The following NID2 variants were observed in gnomAD, a reference collection of about 807,000 sequenced individuals.
The protein encoded by NID2 is nidogen-2.
Under a neutral mutation model 145.4 loss-of-function variants are expected in NID2, and 83 were observed. The ratio of observed to expected loss-of-function variants is 0.57; its 90% CI spans 0.48 to 0.69. The LOEUF (loss-of-function observed/expected upper bound fraction) is 0.69. Ranked by LOEUF, NID2 falls within the 30% of genes least tolerant of loss-of-function variation. NID2 has a pLI of 0.00. For missense variants in NID2, 1,807 were observed against 1,765.7 expected (o/e 1.02, Z -0.42); for synonymous variants, 739 against 701.3 (o/e 1.05, Z -0.85).
chr14:52,062,733 G>A (rs186504712), intron 2 of NID2, among the ~76,000 whole-genome samples: 1 of 152,144 alleles, frequency 6.6e-6, no homozygotes, highest in Non-Finnish European at 1.5e-5. Flanking sequence ...GATGGGGAAG[G>A]GGGGAAGAGA....
At chr14:52,056,156 T>A (rs1011397736) in intron 3 of NID2, among the ~76,000 whole-genome samples, 1 of 151,992 alleles carries the variant, frequency 6.6e-6, no homozygotes, top group African/African-American at 2.4e-5. Flanking sequence ...TCTGAGGATA[T>A]TGAGTTTATT....
chr14:52,011,487 G>A (rs533151957), intron 17 of NID2, 67 bp downstream of exon 17: 344 of 1,598,396 alleles, frequency 2.2e-4, no homozygotes, highest in African/African-American at 5.8e-4. Flanking sequence ...GGGAGACTTC[G>A]GCGTAAAGTA....
chr14:52,014,995 C>G, intron 15 of NID2, 59 bp downstream of exon 15: 1 of 1,412,418 alleles, frequency 7.1e-7, no homozygotes. Flanking sequence ...ACAGCAGGCA[C>G]CATCCCTAGC....
intron 2 of NID2, among the ~76,000 whole-genome samples, chr14:52,067,278 G>C (rs78330816): frequency 1.3e-5 from 2 of 152,116 alleles, no homozygotes; most frequent in African/African-American, 4.8e-5. Flanking sequence ...AAATGATGTA[G>C]AAATACATTT....
intron 14 of NID2, 22 bp downstream of exon 14, chr14:52,019,039 T>G: frequency 6.3e-7 from 1 of 1,593,510 alleles, no homozygotes. Context: ...TTCTGCTTCT[T>G]GAGCCCCAGG....
At chr14:52,041,093 G>C (rs958430338) in intron 7 of NID2, among the ~76,000 whole-genome samples, 1 of 152,090 alleles carries the variant, frequency 6.6e-6, no homozygotes, top group Non-Finnish European at 1.5e-5. Flanking sequence ...CTTGTATTCT[G>C]TGAGAAATAC....
At chr14:52,059,562 C>T (rs978410869) in intron 3 of NID2, among the ~76,000 whole-genome samples, 1 of 152,234 alleles carries the variant, frequency 6.6e-6, no homozygotes, top group African/African-American at 2.4e-5. Flanking sequence ...ATCATTCATT[C>T]ATTCACCCAT....
At chr14:52,030,565 AAAGGAAGGAAGG>A (rs1891795345) in intron 9 of NID2, among the ~76,000 whole-genome samples, 1 of 48,930 alleles carries the variant, frequency 2.0e-5, no homozygotes. Flanking sequence ...AGAAAGAAAG[AAAGGAAGGAAGG>A]GAAAGAAAGA....
rs188778050 is a variant in NID2 at position 52,005,043 on chromosome 14, A to T, written c.*443T>A. ...AACTATAAATAATTGGTCCTTTCCCATCAGTTCTGCATTGGCTTCTCCAAC... is the reference window on the plus strand; with the variant it reads ...AACTATAAATAATTGGTCCTTTCCCTTCAGTTCTGCATTGGCTTCTCCAAC... On this transcript the variant is annotated 3_prime_UTR_variant, in exon 22 of 22. Coordinates refer to ENST00000216286, the MANE Select transcript of NID2 (RefSeq NM_007361.4). 1 of 159,236 alleles carries T rather than the reference A, an allele frequency of 6.3e-6. No homozygotes were observed. Among genetic ancestry groups the T allele is most frequent in the African/African-American group, 2.4e-5 (1 of 41,774 alleles). 9.9% of individuals were successfully genotyped at this position (159,236 alleles called of 1,614,324 possible).
chr14:52,027,083 C>T, intron 12 of NID2, 118 bp downstream of exon 12: 2 of 1,093,322 alleles, frequency 1.8e-6, no homozygotes, highest in Non-Finnish European at 2.4e-6. Context: ...ATTTTGGCAG[C>T]CACAAGGCTG....
chr14:52,039,616 G>A (rs530704312), intron 8 of NID2, among the ~76,000 whole-genome samples: 81 of 152,286 alleles, frequency 5.3e-4, no homozygotes, highest in African/African-American at 1.9e-3. Context: ...CTCCTGCCAG[G>A]CTGCCAGCTC....
chr14:52,063,368 T>C (rs1893079745), intron 2 of NID2, among the ~76,000 whole-genome samples: 1 of 152,176 alleles, frequency 6.6e-6, no homozygotes, highest in Non-Finnish European at 1.5e-5. Context: ...GGTGAGTGGC[T>C]GCAGGCCCTG....
At chr14:52,064,730 T>C (rs1893130636) in intron 2 of NID2, among the ~76,000 whole-genome samples, 1 of 152,250 alleles carries the variant, frequency 6.6e-6, no homozygotes, top group Non-Finnish European at 1.5e-5. Context: ...CCTTTGCTAA[T>C]AGGTTGCTCT....
intron 3 of NID2, among the ~76,000 whole-genome samples, chr14:52,057,779 C>T (rs1193696826): frequency 6.8e-6 from 1 of 147,874 alleles, no homozygotes; most frequent in Non-Finnish European, 1.5e-5. Flanking sequence ...AAAATGTTTA[C>T]AATGTATAAA....
intron 14 of NID2, among the ~76,000 whole-genome samples, chr14:52,017,671 A>G (rs1012372304): frequency 2.0e-5 from 3 of 152,110 alleles, no homozygotes; most frequent in African/African-American, 7.2e-5. Flanking sequence ...GAACCAAGAC[A>G]TTTTCAAAGA....
At chr14:52,041,536 G>A (rs1892279057) in intron 7 of NID2, among the ~76,000 whole-genome samples, 1 of 152,188 alleles carries the variant, frequency 6.6e-6, no homozygotes. Context: ...GTCAACGGGT[G>A]GCCTTTCCAG....
At position 52,027,237 on chromosome 14, in the gene NID2, G is replaced by A. The variant is rs537108484; in HGVS notation, c.2638C>T (p.Leu880=). ...HGGSTFSCAC[L]PGYAGDGHQC... ...TGCCCATCGCCGGCATAACCAGGCA[G>A]GCAGGCACAGCTGAACGTGCTGCCT... is the stretch of plus-strand genomic sequence containing the variant. Residue 880 remains leucine, a synonymous_variant, in exon 12 of 22, where the codon CTG becomes TTG. Coordinates refer to ENST00000216286, the MANE Select transcript of NID2 (RefSeq NM_007361.4). 1.0e-5 allele frequency: 16 copies of A among 1,579,824 alleles called. No individual in the cohort carries two copies. In the South Asian group the frequency reaches 1.8e-4, roughly 18 times the overall value.
At chr14:52,017,670 C>T in intron 14 of NID2, among the ~76,000 whole-genome samples, 1 of 151,992 alleles carries the variant, frequency 6.6e-6, no homozygotes. Flanking sequence ...AGAACCAAGA[C>T]ATTTTCAAAG....
chr14:52,006,458 C>T, intron 20 of NID2, 79 bp downstream of exon 20: 3 of 1,559,860 alleles, frequency 1.9e-6, no homozygotes, highest in Non-Finnish European at 2.6e-6. Flanking sequence ...AAGTCAGGTA[C>T]TGACTTTTGG....
Sources: allele counts gnomAD v4.1 joint callset (sites outside exome capture counted in the v4.1 genomes callset), GRCh38; gene constraint gnomAD v4.1.1; transcripts MANE v1.5; gene names NCBI Gene and HGNC (gene_info 2026-07-23, HGNC 2026-07-21).